FGFR4: variants seen among roughly 807,000 people sequenced by gnomAD.
The protein encoded by FGFR4 is fibroblast growth factor receptor 4, also known as hydroxyaryl-protein kinase.
In FGFR4, 63 loss-of-function variants were observed where a neutral mutation model predicts 89.9. The observed-to-expected ratio is 0.70, with a 90% CI of 0.57 to 0.86. The LOEUF (loss-of-function observed/expected upper bound fraction) is 0.86, where lower values mean the gene tolerates loss of function less well. FGFR4 is among the 40% of genes least tolerant of loss of function. The pLI, the probability that FGFR4 is intolerant of heterozygous loss-of-function variation, is 0.00. For synonymous variants in FGFR4, 486 were observed against 479.4 expected (o/e 1.01, Z -0.18); for missense variants, 928 against 1,106.7 (o/e 0.84, Z 2.29).
At position 177,095,312 on chromosome 5, in the gene FGFR4, C is replaced by T. The variant is rs370903860; in HGVS notation, c.1520-18C>T. 214 of 1,602,480 alleles carry T rather than the reference C, an allele frequency of 1.3e-4. No homozygotes were observed. Among genetic ancestry groups the T allele is most frequent in the Non-Finnish European group, 1.7e-4 (194 of 1,169,524 alleles). On this transcript the variant is annotated intron_variant, in intron 11 of 17. Coordinates refer to ENST00000292408, the MANE Select transcript of FGFR4 (RefSeq NM_213647.3). The surrounding 1 kb of genome is among the most constrained non-coding windows in gnomAD (Gnocchi z 5.7). ...CAGTTGGAGGGCAGCCTCTTCACCC[C>T]GTCTGCTGCCCTTACAGACAACGCC...
intron 2 of FGFR4, chr5:177,090,076 T>G (rs1361219418): frequency 1.5e-6 from 1 of 670,538 alleles, no homozygotes; most frequent in Non-Finnish European, 2.7e-6. Flanking sequence ...TGACCCTGTA[T>G]GTGGCACCAA....
In FGFR4 at chr5:177,095,434, C is replaced by A; in HGVS notation, c.1624C>A (p.Gln542Lys). Residue 542 changes from glutamine (Q) to lysine (K), a missense_variant, in exon 12 of 18, where the codon CAG becomes AAG. This residue lies in a region of FGFR4 where 741 missense variants were observed against 836.9 expected (regional missense o/e 0.89). Transcript: ENST00000292408. The surrounding 1 kb of genome is among the most constrained non-coding windows in gnomAD (Gnocchi z 5.7). ...NIINLLGVCT[Q>K]EGPLYVIVEC... The stretch of plus-strand genomic sequence containing the variant: ...CATCAACCTGCTTGGTGTCTGCACC[C>A]AGGAAGGTGGGGCCGAGGCGGGGCT... 1 of 1,614,198 alleles carries A rather than the reference C, an allele frequency of 6.2e-7. No homozygotes were observed. Among genetic ancestry groups the A allele is most frequent in the South Asian group, 1.1e-5 (1 of 91,082 alleles).
rs200530821 is a variant in FGFR4 at position 177,093,233 on chromosome 5, C to T, written c.1153C>T (p.Leu385=). 7.9e-5 allele frequency: 127 copies of T among 1,612,636 alleles called. No homozygotes were observed. In the Admixed American group the frequency reaches 2.1e-3, roughly 26 times the overall value. ...CTCCCTGGCCTTGGCTGTGCTCCTG[C>T]TGCTGGCCGGGCTGTATCGAGGGCA... ...SGSLALAVLL[L]LAGLYRGQAL... The change falls in exon 9 of 18, where the codon CTG becomes TTG. Residue 385 remains leucine, a synonymous_variant. Coordinates refer to ENST00000292408, the MANE Select transcript of FGFR4 (RefSeq NM_213647.3). The surrounding 1 kb of genome is among the most constrained non-coding windows in gnomAD (Gnocchi z 5.8).
Position 177,093,168 on chromosome 5 carries a change from C to T in FGFR4, c.1088C>T (p.Pro363Leu), listed in dbSNP as rs1345003568. Residue 363 changes from proline to leucine, a missense_variant, in exon 9 of 18, where the codon CCC becomes CTC. Transcript: ENST00000292408. This position sits in a 1 kb window ranked among gnomAD's most constrained non-coding sequence, Gnocchi z 5.8. Reference sequence around the variant, plus strand: ...GACCCCACATGGACCGCAGCAGCGCCCGAGGCCAGGTATACGGACATCATC... The same window carrying T: ...GACCCCACATGGACCGCAGCAGCGCTCGAGGCCAGGTATACGGACATCATC... Reference protein sequence around the residue: ...EEDPTWTAAAPEARYTDIILY... With the variant: ...EEDPTWTAAALEARYTDIILY... 1.2e-6 allele frequency: 2 copies of T among 1,614,048 alleles called. No homozygotes were observed. The highest frequency in any genetic ancestry group is 1.7e-6 in the Non-Finnish European group (2 of 1,179,976).
rs759521008 is a variant in FGFR4, at chr5:177,096,696, G to A, written c.2108G>A (p.Arg703Gln). The A allele has an allele frequency of 7.7e-5, 123 of 1,605,168 alleles. No individual in the cohort carries two copies. Among genetic ancestry groups the A allele is most frequent in the Non-Finnish European group, 9.9e-5 (116 of 1,175,644 alleles). ...IPVEELFSLL[R>Q]EGHRMDRPPH... ...GTGGAGGAGCTGTTCTCGCTGCTGC[G>A]GGAGGGACATCGGATGGACCGACCC... The change falls in exon 16 of 18, where the codon CGG (arginine) becomes CAG (glutamine). Residue 703 changes from arginine to glutamine, a missense_variant. By Grantham distance (43) the Arg-to-Gln change is conservative. Coordinates refer to ENST00000292408, the MANE Select transcript of FGFR4 (RefSeq NM_213647.3).
chr5:177,096,420 C>T (rs1562076528), intron 15 of FGFR4, 63 bp downstream of exon 15: 22 of 1,597,756 alleles, frequency 1.4e-5, no homozygotes, highest in East Asian at 2.2e-5. Flanking sequence ...CCCAAAGTCA[C>T]GTGGCCCCAG....
At position 177,087,654 on chromosome 5, in the gene FGFR4, G is replaced by A. The variant is rs1277272002; in HGVS notation, c.-54+577G>A. 1 of 985,224 alleles carries A rather than the reference G, an allele frequency of 1.0e-6. No homozygotes were observed. The highest frequency in any genetic ancestry group is 1.2e-6 in the Non-Finnish European group (1 of 829,798). 61.0% of individuals were successfully genotyped at this position (985,224 alleles called of 1,614,324 possible). ...GCCTGGGGTAGGAATAAACTCCCCG[G>A]GCCTCCCCACCCACTCCCAGCCCAA... is the stretch of plus-strand genomic sequence containing the variant. On this transcript the variant is annotated intron_variant, in intron 1 of 17. Coordinates refer to ENST00000292408, the MANE Select transcript of FGFR4 (RefSeq NM_213647.3). The surrounding 1 kb of genome is among the most constrained non-coding windows in gnomAD (Gnocchi z 6.1).
At chr5:177,090,010 G>A (rs1195448169) in intron 2 of FGFR4, 3 of 666,342 alleles carry the variant, frequency 4.5e-6, no homozygotes, top group Admixed American at 2.1e-5. Context: ...GACCTAGGAG[G>A]TCCAGGCAGC....
chr5:177,096,928 C>CCTCTTCCTCCTT (rs1784600141), intron 16 of FGFR4, among the ~76,000 whole-genome samples, 187 bp downstream of exon 16: 2 of 122,472 alleles, frequency 1.6e-5, no homozygotes, highest in Admixed American at 8.0e-5. Flanking sequence ...TCCTCCTCCT[C>CCTCTTCCTCCTT]CTCTTCCTCC....
At chr5:177,089,967 CGTGT>C (rs376782192) in intron 2 of FGFR4, 3 of 623,894 alleles carry the variant, frequency 4.8e-6, no homozygotes, top group Non-Finnish European at 2.9e-6. Context: ...GGTGTGTGTG[CGTGT>C]GTGTGTGTGT....
chr5:177,097,703 T>A lies in FGFR4; in HGVS notation c.*27T>A, dbSNP rs754676294. The A allele has an allele frequency of 1.2e-6, 2 of 1,608,314 alleles. No homozygotes were observed. The highest frequency in any genetic ancestry group is 1.7e-5 in the Admixed American group (1 of 59,700). On this transcript the variant is annotated 3_prime_UTR_variant, in exon 18 of 18. Coordinates refer to ENST00000292408, the MANE Select transcript of FGFR4 (RefSeq NM_213647.3). ...CAAGGCTCAAGGCTGTGCAGGCACA[T>A]AGGCTGGTGGCCTTGGGCCTTGGGG...
rs767262341 is a variant in FGFR4, at chr5:177,093,507, T to C, written c.1353T>C (p.Ser451=). ...CCGCCTTGCTCGCCGGCCTCGTGAG[T>C]CTAGATCTACCTCTCGACCCACTAT... ...SGPALLAGLV[S]LDLPLDPLWE... is the part of the protein sequence containing the mutation. The change falls in exon 10 of 18, where the codon AGT becomes AGC. Residue 451 remains serine (S), a synonymous_variant. Transcript: ENST00000292408. This position sits in a 1 kb window ranked among gnomAD's most constrained non-coding sequence, Gnocchi z 5.8. 6 of 1,613,828 alleles carry C rather than the reference T, an allele frequency of 3.7e-6. No individual in the cohort carries two copies. The South Asian group carries it at 5.5e-5, about 15-fold the overall frequency.
chr5:177,092,857 GGTGGTCA>G, intron 8 of FGFR4, 73 bp downstream of exon 8: 1 of 1,609,692 alleles, frequency 6.2e-7, no homozygotes, highest in Non-Finnish European at 8.5e-7. Flanking sequence ...TGGCCTGTTG[GGTGGTCA>G]GTCTCTGTTG....
chr5:177,094,704 C>T, intron 11 of FGFR4: 1 of 156,766 alleles, frequency 6.4e-6, no homozygotes, highest in Middle Eastern at 3.3e-3. Context: ...TTCTGCTCCT[C>T]CCCTCCTCTC....
In FGFR4 at chr5:177,093,972, G is replaced by A. The variant is rs1257779848; in HGVS notation, c.1519+197G>A. Among the ~76,000 whole-genome samples, 1 of 152,150 alleles carries A rather than the reference G, an allele frequency of 6.6e-6. No individual in the cohort carries two copies. The highest frequency in any genetic ancestry group is 1.5e-5 in the Non-Finnish European group (1 of 68,018). ...TTTAGTCTCAGTTACTAGGGAGGCTGAGGCAGGAGGATCCCTTGAATCCAG... is the reference window on the plus strand; with the variant it reads ...TTTAGTCTCAGTTACTAGGGAGGCTAAGGCAGGAGGATCCCTTGAATCCAG... On this transcript the variant is annotated intron_variant, in intron 11 of 17. Coordinates refer to ENST00000292408, the MANE Select transcript of FGFR4 (RefSeq NM_213647.3). This position sits in a 1 kb window ranked among gnomAD's most constrained non-coding sequence, Gnocchi z 5.8.
intron 4 of FGFR4, 43 bp from the exon 5 acceptor site, chr5:177,090,895 T>A (rs771235910): frequency 6.2e-7 from 1 of 1,614,140 alleles, no homozygotes; most frequent in Non-Finnish European, 8.5e-7. Flanking sequence ...GAGGCCTGTG[T>A]GGGAACACAC....
Position 177,087,989 on chromosome 5 carries a change from G to A in FGFR4, c.-54+912G>A, listed in dbSNP as rs1407030041. Among the ~76,000 whole-genome samples, 3 of 152,192 alleles carry A rather than the reference G, an allele frequency of 2.0e-5. No individual in the cohort carries two copies. The highest frequency in any genetic ancestry group is 6.5e-5 in the Admixed American group (1 of 15,284). ...ACAGGTAGCCATTAAGGGCTTGCAA[G>A]CTGGGGGGCATGACATGGCAGACTT... On this transcript the variant is annotated intron_variant, in intron 1 of 17. Transcript: ENST00000292408. This position sits in a 1 kb window ranked among gnomAD's most constrained non-coding sequence, Gnocchi z 6.1.
Position 177,095,284 on chromosome 5 carries a change from G to A in FGFR4, c.1520-46G>A, listed in dbSNP as rs202244577. 4.4e-5 allele frequency: 66 copies of A among 1,499,262 alleles called. No homozygotes were observed. Among genetic ancestry groups the A allele is most frequent in the South Asian group, 3.4e-4 (30 of 88,596 alleles). 92.9% of individuals were successfully genotyped at this position (1,499,262 alleles called of 1,614,324 possible). A position where few individuals can be genotyped will look rare whatever the true frequency, so the allele number is the denominator to read the frequency against. Reference sequence around the variant, plus strand: ...TGCACCTGCCTCTGCATGCTCCCTCGTGCAGTTGGAGGGCAGCCTCTTCAC... The same window carrying A: ...TGCACCTGCCTCTGCATGCTCCCTCATGCAGTTGGAGGGCAGCCTCTTCAC... On this transcript the variant is annotated intron_variant, in intron 11 of 17. Transcript: ENST00000292408. This position sits in a 1 kb window ranked among gnomAD's most constrained non-coding sequence, Gnocchi z 5.7.
chr5:177,097,534 AC>A lies in FGFR4; in HGVS notation c.2269del (p.Leu757SerfsTer3). On this transcript the variant is annotated frameshift_variant, in exon 18 of 18. Transcript: ENST00000292408. LOFTEE classifies it high-confidence loss of function. ...VLLAVSEEYL[D>X]LRLTFGPYSP... The stretch of plus-strand genomic sequence containing the variant: ...CAGCTCCGTTCCCCACAGTACCTCG[AC>A]CTCCGCCTGACCTTCGGACCCTATT... 6.2e-7 allele frequency: 1 copy of A among 1,612,350 alleles called. No homozygotes were observed. The highest frequency in any genetic ancestry group is 8.5e-7 in the Non-Finnish European group (1 of 1,179,420).
Sources: allele counts gnomAD v4.1 joint callset (sites outside exome capture counted in the v4.1 genomes callset), GRCh38; gene constraint gnomAD v4.1.1; regional missense constraint gnomAD v4.1.1; non-coding constraint Gnocchi (gnomAD v3.1); transcripts MANE v1.5; gene names NCBI Gene and HGNC (gene_info 2026-07-23, HGNC 2026-07-21).